Variants in MACROD1 observed in about 807,000 individuals in gnomAD.
The protein encoded by MACROD1 is ADP-ribose glycohydrolase MACROD1.
A neutral mutation model predicts 41.4 loss-of-function variants in MACROD1; 31 were observed. The observed-to-expected ratio is 0.75, with a 90% CI of 0.56 to 1.01. The LOEUF (loss-of-function observed/expected upper bound fraction) is 1.01, where lower values mean the gene tolerates loss of function less well. MACROD1 is among the 50% of genes least tolerant of loss of function. The pLI is 0.00. For missense variants in MACROD1, 473 were observed against 460.0 expected (o/e 1.03, Z -0.26); for synonymous variants, 252 against 203.4 (o/e 1.24, Z -2.03).
intron 3 of MACROD1, among the ~76,000 whole-genome samples, chr11:64,143,753 TACACACACACACACACACAC>T (rs55995667): frequency 8.9e-5 from 9 of 101,670 alleles, no homozygotes; most frequent in East Asian, 5.9e-4. Flanking sequence ...GACACACACA[TACACACACACACACACACAC>T]ACACACACAC....
chr11:64,145,284 A>T (rs1232644609), intron 3 of MACROD1, among the ~76,000 whole-genome samples: 1 of 152,146 alleles, frequency 6.6e-6, no homozygotes, highest in Non-Finnish European at 1.5e-5. Flanking sequence ...CTCAAAGGCT[A>T]GCTGACCCGC....
rs570176314 is a variant in MACROD1 at position 64,117,386 on chromosome 11, C to A, written c.517+33853G>T. The stretch of plus-strand genomic sequence containing the variant: ...GCATGGCCATCAAGGACATTACCAG[C>A]GAGATGGACGAGTGTTTTGAGACGG... On this transcript the variant is annotated intron_variant, in intron 3 of 10. Transcript: ENST00000255681. 9.3e-6 allele frequency: 15 copies of A among 1,611,988 alleles called. No individual in the cohort carries two copies. In the African/African-American group the frequency reaches 1.7e-4, roughly 19 times the overall value.
At chr11:64,121,937 C>T (rs1555027992) in intron 3 of MACROD1, among the ~76,000 whole-genome samples, 1 of 150,686 alleles carries the variant, frequency 6.6e-6, no homozygotes, top group Non-Finnish European at 1.5e-5. Context: ...AATCTCTTTT[C>T]TATTACATGG....
chr11:64,163,534 G>A (rs1945788829), intron 1 of MACROD1, among the ~76,000 whole-genome samples: 2 of 152,174 alleles, frequency 1.3e-5, no homozygotes, highest in African/African-American at 4.8e-5. Context: ...TGGGGGAAAA[G>A]CTTAGGACAT....
In MACROD1 at chr11:64,096,277, G is replaced by A. The variant is rs1944574477; in HGVS notation, c.517+54962C>T. 6.6e-6 allele frequency among the ~76,000 whole-genome samples: 1 copy of A among 152,218 alleles called. No homozygotes were observed. The highest frequency in any genetic ancestry group is 2.4e-5 in the African/African-American group (1 of 41,460). ...GCAGGCCAATTTCCTGAAAGAAGAG[G>A]TTCCGGCCTTGGCTGGTGGCGCCAG... On this transcript the variant is annotated intron_variant, in intron 3 of 10. Coordinates refer to ENST00000255681, the MANE Select transcript of MACROD1 (RefSeq NM_014067.4). The surrounding 1 kb of genome is among the most constrained non-coding windows in gnomAD (Gnocchi z 4.6).
intron 3 of MACROD1, among the ~76,000 whole-genome samples, chr11:64,053,974 C>T (rs987683358): frequency 6.6e-6 from 1 of 152,118 alleles, no homozygotes; most frequent in Non-Finnish European, 1.5e-5. Context: ...GTTCCAGCAC[C>T]GTGCTGGGCG....
At chr11:64,088,409 C>T (rs747844373) in intron 3 of MACROD1, among the ~76,000 whole-genome samples, 129 of 152,228 alleles carry the variant, frequency 8.5e-4, no homozygotes, top group Non-Finnish European at 1.2e-3. Flanking sequence ...TGTGGAAGGC[C>T]GGCACAAGCA....
chr11:64,040,904 G>C (rs148126810), intron 3 of MACROD1, among the ~76,000 whole-genome samples: 2 of 152,064 alleles, frequency 1.3e-5, no homozygotes, highest in Non-Finnish European at 2.9e-5. Context: ...GGCATCCGAC[G>C]TCCGGCCAGG....
Position 64,049,328 on chromosome 11 carries a change from C to G in MACROD1, c.518-34047G>C, listed in dbSNP as rs1361643089. Among the ~76,000 whole-genome samples, 9 of 152,222 alleles carry G rather than the reference C, an allele frequency of 5.9e-5. No individual in the cohort carries two copies. The East Asian group carries it at 1.7e-3, about 29-fold the overall frequency. On this transcript the variant is annotated intron_variant, in intron 3 of 10. Transcript: ENST00000255681. ...AAAGCCTTGGGGATTGAACAGGGTC[C>G]TACCGATGCCCAAAGGCTGTGCTGT... is the stretch of plus-strand genomic sequence containing the variant.
At chr11:64,012,012 G>A (rs1943022948) in intron 4 of MACROD1, among the ~76,000 whole-genome samples, 1 of 152,158 alleles carries the variant, frequency 6.6e-6, no homozygotes, top group African/African-American at 2.4e-5. Flanking sequence ...CACCTCCACT[G>A]TGTTCCAATC....
At position 63,998,631 on chromosome 11, in the gene MACROD1, C is replaced by A. The variant is rs1012992790; in HGVS notation, c.*87G>T. 4.6e-6 allele frequency: 6 copies of A among 1,305,140 alleles called. No homozygotes were observed. The African/African-American group carries it at 6.1e-5, about 13-fold the overall frequency. 80.8% of individuals were successfully genotyped at this position (1,305,140 alleles called of 1,614,324 possible). A position where few individuals can be genotyped will look rare whatever the true frequency, so the allele number is the denominator to read the frequency against. ...GAAAGAAGGGGTGGCCAGGCCCAGG[C>A]CAGGCTGCAGGCTTTGGCGACCTCT... On this transcript the variant is annotated 3_prime_UTR_variant, in exon 11 of 11. Coordinates refer to ENST00000255681, the MANE Select transcript of MACROD1 (RefSeq NM_014067.4).
In MACROD1 at chr11:64,089,078, C is replaced by T. The variant is rs1047038983; in HGVS notation, c.517+62161G>A. Among the ~76,000 whole-genome samples, 103 of 152,312 alleles carry T rather than the reference C, an allele frequency of 6.8e-4. 1 individual carries two copies. The highest frequency in any genetic ancestry group is 1.2e-4 in the Non-Finnish European group (8 of 68,030). On this transcript the variant is annotated intron_variant, in intron 3 of 10. Transcript: ENST00000255681. ...CCCCGCCGGCTGTCCTCCCTCCCTC[C>T]GGCCTGCTGCTGTGGCTCCTCTGTG...
intron 3 of MACROD1, among the ~76,000 whole-genome samples, chr11:64,063,069 G>A (rs909780634): frequency 3.3e-5 from 5 of 152,208 alleles, no homozygotes; most frequent in South Asian, 2.1e-4. Flanking sequence ...GGTGACAGTC[G>A]TTCTAGTTTA....
In MACROD1 at chr11:64,055,852, G is replaced by A. The variant is rs182478455; in HGVS notation, c.518-40571C>T. ...ACCATTCTTAGCACCAGGCCAGGCC[G>A]GTGACTCTTGGGTCTGCTATTGTCC... is the stretch of plus-strand genomic sequence containing the variant. On this transcript the variant is annotated intron_variant, in intron 3 of 10. Transcript: ENST00000255681. 7.9e-5 allele frequency among the ~76,000 whole-genome samples: 12 copies of A among 152,284 alleles called. No individual in the cohort carries two copies. In the East Asian group the frequency reaches 2.1e-3, roughly 27 times the overall value.
intron 3 of MACROD1, among the ~76,000 whole-genome samples, chr11:64,028,134 CTA>C (rs1943245088): frequency 7.0e-6 from 1 of 143,142 alleles, no homozygotes; most frequent in Admixed American, 6.9e-5. Context: ...GTGTCTGACT[CTA>C]AAACTAGTGC....
chr11:64,142,009 C>A (rs888767632), intron 3 of MACROD1, among the ~76,000 whole-genome samples: 2 of 152,230 alleles, frequency 1.3e-5, no homozygotes, highest in African/African-American at 2.4e-5. Context: ...CTGGGTTACA[C>A]TGGGCCTTGT....
At chr11:64,157,092 G>GTT (rs565101564) in intron 1 of MACROD1, among the ~76,000 whole-genome samples, 6 of 149,944 alleles carry the variant, frequency 4.0e-5, no homozygotes, top group African/African-American at 1.5e-4. Flanking sequence ...GCATTTCTGT[G>GTT]TTTTTTTTTT....
At chr11:64,072,034 C>T (rs9783361) in intron 3 of MACROD1, among the ~76,000 whole-genome samples, 1,821 of 152,312 alleles carry the variant, frequency 0.012, 22 homozygotes, top group South Asian at 0.052. Flanking sequence ...CACTATTGAC[C>T]GCCGCGCGCA....
intron 3 of MACROD1, among the ~76,000 whole-genome samples, chr11:64,029,256 T>C (rs759353636): frequency 2.6e-5 from 4 of 151,894 alleles, no homozygotes; most frequent in Non-Finnish European, 5.9e-5. Flanking sequence ...GCTGAGGCCA[T>C]AAAGCAGCTC....
Sources: allele counts gnomAD v4.1 joint callset (sites outside exome capture counted in the v4.1 genomes callset), GRCh38; gene constraint gnomAD v4.1.1; non-coding constraint Gnocchi (gnomAD v3.1); transcripts MANE v1.5; gene names NCBI Gene and HGNC (gene_info 2026-07-23, HGNC 2026-07-21).